The following GRM5 variants were observed in gnomAD, a reference collection of about 807,000 sequenced individuals.
GRM5 encodes metabotropic glutamate receptor 5.
A neutral mutation model predicts 83.1 loss-of-function variants in GRM5; 19 were observed. The observed-to-expected ratio is 0.23, with a 90% CI of 0.16 to 0.34. The LOEUF (loss-of-function observed/expected upper bound fraction) is 0.34, where lower values mean the gene tolerates loss of function less well. GRM5 is among the 10% of genes least tolerant of loss of function. The probability of loss-of-function intolerance (pLI) is 1.00; values close to 1 mark genes in which losing one functional copy is unlikely to be tolerated. For synonymous variants in GRM5, 675 were observed against 633.6 expected (o/e 1.07, Z -0.98); for missense variants, 1,160 against 1,588.3 (o/e 0.73, Z 4.58).
At chr11:88,597,675 A>C (rs1937854603) in intron 5 of GRM5, among the ~76,000 whole-genome samples, 1 of 152,110 alleles carries the variant, frequency 6.6e-6, no homozygotes, top group African/African-American at 2.4e-5. Context: ...AAAAGATAGA[A>C]AGGTTTTTGT....
chr11:88,622,369 C>A (rs1938662343), intron 4 of GRM5, among the ~76,000 whole-genome samples: 1 of 152,212 alleles, frequency 6.6e-6, no homozygotes, highest in Admixed American at 6.5e-5. Flanking sequence ...CCAGTTCAAT[C>A]TGACTCTTTC....
chr11:88,967,893 C>G (rs1939035771), intron 2 of GRM5, among the ~76,000 whole-genome samples: 1 of 151,980 alleles, frequency 6.6e-6, no homozygotes, highest in Non-Finnish European at 1.5e-5. Flanking sequence ...CCAAGGTCAT[C>G]CATTGGATGA....
chr11:88,563,057 A>G (rs1942793518), intron 8 of GRM5, among the ~76,000 whole-genome samples: 1 of 152,212 alleles, frequency 6.6e-6, no homozygotes, highest in South Asian at 2.1e-4. Flanking sequence ...AATGAACTCT[A>G]AAGAGTATAA....
chr11:88,826,450 A>C (rs1190144740), intron 3 of GRM5, among the ~76,000 whole-genome samples: 2 of 151,268 alleles, frequency 1.3e-5, no homozygotes, highest in African/African-American at 2.4e-5. Context: ...ATAATTATAT[A>C]TATAATTATT....
intron 3 of GRM5, among the ~76,000 whole-genome samples, chr11:88,817,976 C>T (rs1053219569): frequency 1.3e-5 from 2 of 152,024 alleles, no homozygotes; most frequent in Admixed American, 1.3e-4. Flanking sequence ...AACTTAGAAG[C>T]AGTAAGTACT....
intron 2 of GRM5, among the ~76,000 whole-genome samples, chr11:88,953,250 A>T (rs1938516665): frequency 6.6e-6 from 1 of 152,190 alleles, no homozygotes; most frequent in Non-Finnish European, 1.5e-5. Flanking sequence ...ACTTTTTAAA[A>T]ATTCATGCAT....
chr11:88,939,832 T>C (rs1327816070), intron 2 of GRM5, among the ~76,000 whole-genome samples: 1 of 151,794 alleles, frequency 6.6e-6, no homozygotes, highest in African/African-American at 2.4e-5. Flanking sequence ...AGCTTCCTAG[T>C]TGAAAAAATA....
chr11:88,915,869 T>G (rs939366813), intron 2 of GRM5, among the ~76,000 whole-genome samples: 10 of 152,138 alleles, frequency 6.6e-5, no homozygotes, highest in African/African-American at 2.4e-4. Flanking sequence ...TTTTTTAGTC[T>G]CATGGTTGTC....
chr11:88,796,635 C>G (rs1247470953), intron 3 of GRM5, among the ~76,000 whole-genome samples: 1 of 152,058 alleles, frequency 6.6e-6, no homozygotes, highest in Non-Finnish European at 1.5e-5. Context: ...GACTGATTTT[C>G]ATTAAGCATG....
chr11:89,044,445 C>A (rs569875915), intron 2 of GRM5, among the ~76,000 whole-genome samples: 4 of 152,232 alleles, frequency 2.6e-5, no homozygotes, highest in African/African-American at 9.6e-5. Flanking sequence ...GAAGCTGAAA[C>A]CCAGTTTTCC....
At chr11:89,024,755 G>A (rs551100969) in intron 2 of GRM5, among the ~76,000 whole-genome samples, 45 of 152,130 alleles carry the variant, frequency 3.0e-4, no homozygotes, top group Admixed American at 2.1e-3. Context: ...TAATACCTTG[G>A]CCAATAAGCT....
chr11:88,744,366 C>T (rs1942089132), intron 3 of GRM5, among the ~76,000 whole-genome samples: 1 of 152,124 alleles, frequency 6.6e-6, no homozygotes, highest in Non-Finnish European at 1.5e-5. Flanking sequence ...ACAAGGTCAC[C>T]TTTGCTTTAA....
At chr11:88,900,778 A>G (rs1484045185) in intron 2 of GRM5, among the ~76,000 whole-genome samples, 1 of 152,204 alleles carries the variant, frequency 6.6e-6, no homozygotes, top group Non-Finnish European at 1.5e-5. Context: ...TCCAGTAGAT[A>G]AAATAATAAA....
At chr11:88,856,622 G>T (rs1944482822) in intron 2 of GRM5, among the ~76,000 whole-genome samples, 1 of 151,920 alleles carries the variant, frequency 6.6e-6, no homozygotes, top group Non-Finnish European at 1.5e-5. Context: ...CAGTAACATG[G>T]TCATTTATCA....
intron 2 of GRM5, among the ~76,000 whole-genome samples, chr11:88,924,431 T>A (rs1454040758): frequency 6.6e-6 from 1 of 152,104 alleles, no homozygotes; most frequent in African/African-American, 2.4e-5. Context: ...ATAAATAAAT[T>A]GTTATTTTAT....
intron 3 of GRM5, among the ~76,000 whole-genome samples, chr11:88,796,692 T>G (rs557784395): frequency 6.6e-6 from 1 of 152,142 alleles, no homozygotes; most frequent in Non-Finnish European, 1.5e-5. Context: ...GTCTTATAAA[T>G]AGGCTAAAAT....
intron 9 of GRM5, among the ~76,000 whole-genome samples, chr11:88,511,562 C>T (rs1941369844): frequency 6.6e-6 from 1 of 152,182 alleles, no homozygotes; most frequent in African/African-American, 2.4e-5. Flanking sequence ...GGAATATGAG[C>T]TTCTTCCACC....
chr11:88,803,070 T>G (rs1164772169), intron 3 of GRM5, among the ~76,000 whole-genome samples: 3 of 140,810 alleles, frequency 2.1e-5, no homozygotes, highest in African/African-American at 8.7e-5. Flanking sequence ...TCCATGCTCA[T>G]GGGTAGGAAG....
At chr11:88,650,526 A>T (rs943294627) in intron 4 of GRM5, among the ~76,000 whole-genome samples, 4 of 151,996 alleles carry the variant, frequency 2.6e-5, no homozygotes, top group African/African-American at 9.7e-5. Context: ...TGTCAAATAC[A>T]GAAGAAAAAA....
Sources: gnomAD v4.1 joint callset for allele counts (sites outside exome capture counted in the v4.1 genomes callset) on GRCh38, gnomAD v4.1.1 for gene constraint, MANE v1.5 for transcripts, NCBI Gene and HGNC (gene_info 2026-07-23, HGNC 2026-07-21) for gene names.